Variants in PTK2B observed in about 807,000 individuals in gnomAD.
PTK2B encodes protein-tyrosine kinase 2-beta.
A neutral mutation model predicts 142.9 loss-of-function variants in PTK2B; 71 were observed. That is an observed-to-expected ratio of 0.50 (90% confidence interval 0.41 to 0.61). The LOEUF is 0.61. Ranked by LOEUF, PTK2B falls within the 20% of genes least tolerant of loss-of-function variation. The probability of loss-of-function intolerance (pLI) is 0.00; values close to 1 mark genes in which losing one functional copy is unlikely to be tolerated. For missense variants in PTK2B, 1,105 were observed against 1,320.4 expected, an observed-to-expected ratio of 0.84 and a Z score of 2.53; for synonymous variants, 519 against 503.4, an observed-to-expected ratio of 1.03 and a Z score of -0.42.
intron 2 of PTK2B, among the ~76,000 whole-genome samples, chr8:27,409,405 G>A (rs1039205487): frequency 6.6e-6 from 1 of 152,120 alleles, no homozygotes; most frequent in African/African-American, 2.4e-5. Flanking sequence ...GGGGAGAGGG[G>A]AGCCAGGGGT....
At position 27,458,542 on chromosome 8, in the gene PTK2B, G is replaced by A. The variant is rs532214944; in HGVS notation, c.*33G>A. 71 of 1,541,402 alleles carry A rather than the reference G, an allele frequency of 4.6e-5. 1 individual carries two copies. The East Asian group carries it at 1.3e-3, about 28-fold the overall frequency. ...TGGGGGCCACCTGCCTGCGTCTTCC[G>A]CCCCTGCCTGCCATGTACCTCCCCT... On this transcript the variant is annotated 3_prime_UTR_variant, in exon 31 of 31. Transcript: ENST00000346049.
At chr8:27,379,570 A>G (rs1186350895) in intron 1 of PTK2B, among the ~76,000 whole-genome samples, 2 of 152,100 alleles carry the variant, frequency 1.3e-5, no homozygotes, top group African/African-American at 4.8e-5. Context: ...TCAGTGTACA[A>G]CTCAGCTGTA....
intron 3 of PTK2B, among the ~76,000 whole-genome samples, chr8:27,316,516 A>G (rs778491504): frequency 6.6e-6 from 1 of 152,268 alleles, no homozygotes; most frequent in Admixed American, 6.5e-5. Flanking sequence ...CAGACAAAGC[A>G]GATTTCAGAT....
intron 24 of PTK2B, among the ~76,000 whole-genome samples, chr8:27,447,122 T>C (rs1423274688): frequency 6.6e-6 from 1 of 152,236 alleles, no homozygotes; most frequent in East Asian, 1.9e-4. Context: ...ATTTGAGGGG[T>C]AGCATTGCCT....
rs200381815 is a variant in PTK2B at position 27,431,485 on chromosome 8, G to A, written c.885+13G>A. ...TCAGGACGCAAAGGTAGAGAGACCC[G>A]GGGCAGCCCCACCCAGCCCCAGGCG... On this transcript the variant is annotated intron_variant, in intron 9 of 30. Transcript: ENST00000346049. 52 of 1,613,594 alleles carry A rather than the reference G, an allele frequency of 3.2e-5. No homozygotes were observed. Among genetic ancestry groups the A allele is most frequent in the Non-Finnish European group, 3.9e-5 (46 of 1,179,972 alleles).
rs543032806 is a variant in PTK2B at position 27,336,759 on chromosome 8, G to A, written c.-38+11078G>A. ...AACCCTTTCTGCATCAGCTCTTCAT[G>A]TTCTGTGGGCATCATAGTCCCTGTG... is the stretch of plus-strand genomic sequence containing the variant. On this transcript the variant is annotated intron_variant, in intron 1 of 30. Transcript: ENST00000346049. Among the ~76,000 whole-genome samples, 118 of 152,312 alleles carry A rather than the reference G, an allele frequency of 7.7e-4. 2 individuals are homozygous for A. The highest frequency in any genetic ancestry group is 1.3e-3 in the Non-Finnish European group (89 of 68,026).
intron 1 of PTK2B, among the ~76,000 whole-genome samples, chr8:27,372,203 C>G (rs1299904701): frequency 6.6e-6 from 1 of 152,180 alleles, no homozygotes; most frequent in Non-Finnish European, 1.5e-5. Flanking sequence ...AAAGGCGTAA[C>G]TGTCTTTTAA....
chr8:27,450,604 G>T, intron 24 of PTK2B, 145 bp from the exon 25 acceptor site: 1 of 1,005,488 alleles, frequency 9.9e-7, no homozygotes, highest in Non-Finnish European at 1.4e-6. Flanking sequence ...ATATAGCTCT[G>T]GGTTTAAGAA....
chr8:27,392,722 C>T (rs1050805300), intron 1 of PTK2B, among the ~76,000 whole-genome samples: 2 of 152,076 alleles, frequency 1.3e-5, no homozygotes, highest in African/African-American at 2.4e-5. Flanking sequence ...TTCATGGAAC[C>T]GTTCATTTAC....
At chr8:27,431,370 A>G (rs759500949) in intron 8 of PTK2B, 28 bp from the exon 9 acceptor site, 1 of 1,614,172 alleles carries the variant, frequency 6.2e-7, no homozygotes. Context: ...CAGCTCTGGA[A>G]CAACAGTCCA....
chr8:27,354,771 T>G (rs1163539739), intron 1 of PTK2B, among the ~76,000 whole-genome samples: 2 of 152,322 alleles, frequency 1.3e-5, no homozygotes, highest in East Asian at 3.9e-4. Flanking sequence ...GAGCTTGCCT[T>G]CCTTGTCTCA....
chr8:27,311,255 G>T (rs747906732), upstream of PTK2B: 1 of 1,484,594 alleles, frequency 6.7e-7, no homozygotes, highest in Admixed American at 2.4e-5. Context: ...AGCCGGCTCG[G>T]GCGCCCGGAA....
chr8:27,323,803 A>G (rs1159950474), upstream of PTK2B, among the ~76,000 whole-genome samples: 1 of 152,176 alleles, frequency 6.6e-6, no homozygotes, highest in Non-Finnish European at 1.5e-5. Flanking sequence ...TCTGTGAGGT[A>G]GATTTGGGAG....
intron 1 of PTK2B, among the ~76,000 whole-genome samples, chr8:27,374,502 G>T (rs187555697): frequency 3.9e-5 from 6 of 152,224 alleles, no homozygotes; most frequent in Admixed American, 1.3e-4. Context: ...TGTGATTTCT[G>T]TGGGAAGGAA....
intron 1 of PTK2B, among the ~76,000 whole-genome samples, chr8:27,331,028 A>G (rs2130832328): frequency 6.6e-6 from 1 of 152,232 alleles, no homozygotes; most frequent in East Asian, 1.9e-4. Flanking sequence ...CCCCCTCTCC[A>G]GTTCTCTCTC....
intron 1 of PTK2B, among the ~76,000 whole-genome samples, chr8:27,391,163 C>T (rs1177921542): frequency 2.0e-5 from 3 of 151,342 alleles, no homozygotes; most frequent in Non-Finnish European, 4.4e-5. Flanking sequence ...TCGGTGCAAT[C>T]TCGGCTCACT....
At chr8:27,450,164 T>C (rs1811712709) in intron 24 of PTK2B, among the ~76,000 whole-genome samples, 1 of 152,214 alleles carries the variant, frequency 6.6e-6, no homozygotes, top group African/African-American at 2.4e-5. Context: ...GTGCATGCTG[T>C]TGCTTGTTCT....
chr8:27,453,051 G>A, intron 27 of PTK2B, 63 bp from the exon 28 acceptor site: 2 of 1,579,128 alleles, frequency 1.3e-6, no homozygotes, highest in South Asian at 1.1e-5. Flanking sequence ...GATGTCAGCA[G>A]GTACGAAGGG....
chr8:27,326,159 ATCT>A (rs1263647877), intron 1 of PTK2B, among the ~76,000 whole-genome samples: 5 of 151,968 alleles, frequency 3.3e-5, no homozygotes, highest in Non-Finnish European at 4.4e-5. Context: ...CTGAGAGGTC[ATCT>A]TCTGAATCAA....
Sources: allele counts gnomAD v4.1 joint callset (sites outside exome capture counted in the v4.1 genomes callset), GRCh38; gene constraint gnomAD v4.1.1; transcripts MANE v1.5; gene names NCBI Gene and HGNC (gene_info 2026-07-23, HGNC 2026-07-21).